The following CEP128 variants were observed in gnomAD, a reference collection of about 807,000 sequenced individuals.
CEP128 encodes centrosomal protein 128kDa.
CEP128 carries 132 observed loss-of-function variants against 156.7 expected under a neutral mutation model. That is an observed-to-expected ratio of 0.84 (90% confidence interval 0.73 to 0.97). The LOEUF (loss-of-function observed/expected upper bound fraction) is 0.97, where lower values mean the gene tolerates loss of function less well. Ranked by LOEUF, CEP128 falls within the 50% of genes least tolerant of loss-of-function variation. The pLI is 0.00. For synonymous variants in CEP128, 469 were observed against 448.9 expected, an observed-to-expected ratio of 1.04 and a Z score of -0.57; for missense variants, 1,252 against 1,281.9, an observed-to-expected ratio of 0.98 and a Z score of 0.36.
At chr14:80,787,749 T>C (rs1901487952) in intron 14 of CEP128, among the ~76,000 whole-genome samples, 1 of 152,208 alleles carries the variant, frequency 6.6e-6, no homozygotes, top group African/African-American at 2.4e-5. Context: ...GAGAGACTTA[T>C]AGGCAGTGCT....
intron 20 of CEP128, among the ~76,000 whole-genome samples, chr14:80,575,396 CTTTT>C: frequency 6.6e-6 from 1 of 151,858 alleles, no homozygotes; most frequent in Non-Finnish European, 1.5e-5. Context: ...CACATCATGA[CTTTT>C]TTTTCGATTT....
chr14:80,622,709 T>C (rs1347495932), intron 19 of CEP128, among the ~76,000 whole-genome samples: 16 of 149,652 alleles, frequency 1.1e-4, no homozygotes, highest in Middle Eastern at 6.5e-3. Flanking sequence ...CATGAAAAAA[T>C]GCTCACCATC....
At chr14:80,541,583 C>T (rs1889765809) in intron 21 of CEP128, among the ~76,000 whole-genome samples, 1 of 151,476 alleles carries the variant, frequency 6.6e-6, no homozygotes, top group Non-Finnish European at 1.5e-5. Flanking sequence ...AATGAACTTG[C>T]TTTTCATTTT....
At chr14:80,957,115 G>A (rs1886736791) in intron 2 of CEP128, among the ~76,000 whole-genome samples, 1 of 152,082 alleles carries the variant, frequency 6.6e-6, no homozygotes, top group Non-Finnish European at 1.5e-5. Flanking sequence ...AAAGGTCCCT[G>A]CTGTTACAGC....
At chr14:80,587,213 T>C (rs1891856036) in intron 19 of CEP128, among the ~76,000 whole-genome samples, 1 of 152,196 alleles carries the variant, frequency 6.6e-6, no homozygotes, top group South Asian at 2.1e-4. Context: ...CCATATCTAC[T>C]GCCACCCACT....
intron 8 of CEP128, among the ~76,000 whole-genome samples, chr14:80,894,270 T>C (rs1359189733): frequency 2.0e-5 from 3 of 151,938 alleles, no homozygotes; most frequent in Admixed American, 2.0e-4. Flanking sequence ...GGTTCCACTC[T>C]AGAATTTATG....
chr14:80,524,198 G>A (rs1555370742), intron 23 of CEP128, among the ~76,000 whole-genome samples: 1 of 152,130 alleles, frequency 6.6e-6, no homozygotes, highest in Non-Finnish European at 1.5e-5. Context: ...TTTGCAACAT[G>A]GTAGCTGTAC....
intron 19 of CEP128, among the ~76,000 whole-genome samples, chr14:80,697,571 T>C (rs1400411763): frequency 4.6e-5 from 7 of 152,094 alleles, no homozygotes; most frequent in Non-Finnish European, 2.9e-5. Flanking sequence ...AATTTCTTTA[T>C]TGTCTATATG....
chr14:80,892,327 T>C (rs1440814285), intron 8 of CEP128, among the ~76,000 whole-genome samples: 1 of 151,950 alleles, frequency 6.6e-6, no homozygotes, highest in Non-Finnish European at 1.5e-5. Context: ...GTCTCTTCAA[T>C]AAATGGTGCT....
chr14:80,900,804 T>C (rs953384535), intron 6 of CEP128, among the ~76,000 whole-genome samples: 7 of 152,010 alleles, frequency 4.6e-5, no homozygotes, highest in African/African-American at 1.4e-4. Context: ...AAGATGTAGG[T>C]AGTAAAAATT....
Position 80,572,468 on chromosome 14 carries a change from T to G in CEP128, c.2856+7906A>C, listed in dbSNP as rs188257737. On this transcript the variant is annotated intron_variant, in intron 20 of 24. Coordinates refer to ENST00000555265, the MANE Select transcript of CEP128 (RefSeq NM_152446.5). ...TGTTATCCAGAGATAGACGATAAAATGGATTAACATAGATATTTGCCCAAA... is the reference window on the plus strand; with the variant it reads ...TGTTATCCAGAGATAGACGATAAAAGGGATTAACATAGATATTTGCCCAAA... 3.3e-5 allele frequency among the ~76,000 whole-genome samples: 5 copies of G among 152,230 alleles called. No homozygotes were observed. The East Asian group carries it at 7.7e-4, about 23-fold the overall frequency.
At chr14:80,627,484 C>T (rs1595113587) in intron 19 of CEP128, among the ~76,000 whole-genome samples, 1 of 152,150 alleles carries the variant, frequency 6.6e-6, no homozygotes, top group Non-Finnish European at 1.5e-5. Context: ...GTTGGCAGGA[C>T]ATTGTAAGGC....
chr14:80,777,804 G>T, intron 16 of CEP128, 78 bp downstream of exon 16: 1 of 1,130,896 alleles, frequency 8.8e-7, no homozygotes, highest in Non-Finnish European at 1.3e-6. Context: ...ATTATCATTT[G>T]TTGATATATA....
At chr14:80,868,568 CAG>C (rs200371448) in intron 8 of CEP128, among the ~76,000 whole-genome samples, 3,399 of 151,914 alleles carry the variant, frequency 0.022, 62 homozygotes, top group Middle Eastern at 0.075. Flanking sequence ...CAAAGGAAGA[CAG>C]AGAGAAAAAA....
intron 19 of CEP128, among the ~76,000 whole-genome samples, chr14:80,637,886 A>C (rs1242991945): frequency 6.6e-6 from 1 of 152,198 alleles, no homozygotes; most frequent in East Asian, 1.9e-4. Context: ...CGTGGCCACA[A>C]GTCAAGAAAT....
At chr14:80,878,927 A>G (rs955193595) in intron 8 of CEP128, among the ~76,000 whole-genome samples, 2 of 152,186 alleles carry the variant, frequency 1.3e-5, no homozygotes, top group Admixed American at 1.3e-4. Flanking sequence ...GTCAGATCCA[A>G]CTTCAAGAGA....
chr14:80,571,958 C>G (rs917628139), intron 20 of CEP128, among the ~76,000 whole-genome samples: 1 of 152,170 alleles, frequency 6.6e-6, no homozygotes, highest in African/African-American at 2.4e-5. Context: ...ATAGTAGTTA[C>G]GTACCTTGGA....
At chr14:80,492,594 G>A (rs904134333), downstream of CEP128, among the ~76,000 whole-genome samples, 1 of 152,112 alleles carries the variant, frequency 6.6e-6, no homozygotes, top group African/African-American at 2.4e-5. Flanking sequence ...AGTATCTCAA[G>A]GACAAAGAGA....
chr14:80,582,657 C>T (rs1174151702), intron 19 of CEP128, among the ~76,000 whole-genome samples: 1 of 151,896 alleles, frequency 6.6e-6, no homozygotes, highest in Non-Finnish European at 1.5e-5. Context: ...GAATAGTTTC[C>T]AAATGCAAAA....
Sources: gnomAD v4.1 joint callset for allele counts (sites outside exome capture counted in the v4.1 genomes callset) on GRCh38, gnomAD v4.1.1 for gene constraint, MANE v1.5 for transcripts, NCBI Gene and HGNC (gene_info 2026-07-23, HGNC 2026-07-21) for gene names.